PCDHGA2: variants seen among roughly 807,000 people sequenced by gnomAD.
PCDHGA2 encodes the protein protocadherin gamma-A2.
PCDHGA2 carries 40 observed loss-of-function variants against 59.2 expected under a neutral mutation model. The observed-to-expected ratio is 0.68, with a 90% CI of 0.52 to 0.88. The LOEUF is 0.88. PCDHGA2 is among the 40% of genes least tolerant of loss of function. The pLI, the probability that PCDHGA2 is intolerant of heterozygous loss-of-function variation, is 0.00. For missense variants in PCDHGA2, 1,226 were observed against 1,204.0 expected (o/e 1.02, Z -0.27); for synonymous variants, 560 against 526.0 (o/e 1.06, Z -0.89).
At chr5:141,424,784 C>T (rs1351935601) in intron 1 of PCDHGA2, 2 of 152,062 alleles carry the variant, frequency 1.3e-5, no homozygotes, top group Non-Finnish European at 2.9e-5. Context: ...ACATTCAGTT[C>T]TTTTATTCAG....
intron 1 of PCDHGA2, chr5:141,345,916 C>T (rs1180823265): frequency 2.5e-6 from 4 of 1,613,304 alleles, no homozygotes; most frequent in East Asian, 2.2e-5. Flanking sequence ...GAGGTGCGCA[C>T]GGCGCGAGCC....
rs367914755 is a variant in PCDHGA2 at position 141,399,963 on chromosome 5, C to T, written c.2424+58568C>T. ...TGCTGCAGGCTAGCGAGCCCGGGCT[C>T]TTCAGCCTGGGGCTGCGCACAGGAG... On this transcript the variant is annotated intron_variant, in intron 1 of 3. Transcript: ENST00000394576. 793 of 1,612,310 alleles carry T rather than the reference C, an allele frequency of 4.9e-4. 4 individuals are homozygous for T. Among genetic ancestry groups the T allele is most frequent in the Non-Finnish European group, 3.8e-4 (443 of 1,179,704 alleles).
intron 1 of PCDHGA2, chr5:141,400,093 C>G (rs1225718379): frequency 1.2e-6 from 2 of 1,614,094 alleles, no homozygotes; most frequent in Non-Finnish European, 1.7e-6. Context: ...CACCGCCACG[C>G]TGCACTTGGT....
chr5:141,384,134 G>A (rs746106528), intron 1 of PCDHGA2: 1 of 1,611,962 alleles, frequency 6.2e-7, no homozygotes, highest in Admixed American at 1.7e-5. Flanking sequence ...AACTTGGACC[G>A]GGAAACACTC....
chr5:141,399,780 A>G (rs1444494014), intron 1 of PCDHGA2: 1 of 1,613,288 alleles, frequency 6.2e-7, no homozygotes, highest in Non-Finnish European at 8.5e-7. Flanking sequence ...TGGGCGACCG[A>G]AACGACAACG....
chr5:141,376,088 C>T lies in PCDHGA2; in HGVS notation c.2424+34693C>T, dbSNP rs527893060. 5.1e-5 allele frequency: 83 copies of T among 1,613,666 alleles called. No homozygotes were observed. The highest frequency in any genetic ancestry group is 2.0e-4 in the East Asian group (9 of 44,878). On this transcript the variant is annotated intron_variant, in intron 1 of 3. Coordinates refer to ENST00000394576, the MANE Select transcript of PCDHGA2 (RefSeq NM_018915.4). Reference sequence around the variant, plus strand: ...CACCGTGGCCGTGGCCGACAGGATCCCCGACATCCTGGCCGACCTGGGCAG... The same window carrying T: ...CACCGTGGCCGTGGCCGACAGGATCTCCGACATCCTGGCCGACCTGGGCAG...
intron 2 of PCDHGA2, 57 bp downstream of exon 2, chr5:141,494,922 C>G: frequency 6.2e-7 from 1 of 1,613,670 alleles, no homozygotes; most frequent in Admixed American, 1.7e-5. Context: ...TCAGGGATGA[C>G]GTGGGAGGAG....
At chr5:141,351,915 A>G (rs761580776) in intron 1 of PCDHGA2, 18 of 1,613,262 alleles carry the variant, frequency 1.1e-5, no homozygotes, top group African/African-American at 1.3e-5. Flanking sequence ...GGCGACCTCA[A>G]TGACAATGCG....
At chr5:141,480,859 A>G (rs1197372110) in intron 1 of PCDHGA2, among the ~76,000 whole-genome samples, 2 of 152,178 alleles carry the variant, frequency 1.3e-5, no homozygotes, top group Non-Finnish European at 2.9e-5. Context: ...AGCCTGGCCA[A>G]TATGGTGAAA....
chr5:141,489,571 G>A lies in PCDHGA2; in HGVS notation c.2425-5236G>A, dbSNP rs1206848223. The A allele has an allele frequency of 1.9e-6, 3 of 1,613,884 alleles. No individual in the cohort carries two copies. The highest frequency in any genetic ancestry group is 2.2e-5 in the South Asian group (2 of 91,070). On this transcript the variant is annotated intron_variant, in intron 1 of 3. Transcript: ENST00000394576. The surrounding 1 kb of genome is among the most constrained non-coding windows in gnomAD (Gnocchi z 4.5). ...CCTGCTGCCAGTGCAGGTGGTGACT[G>A]AACACCCCCTGGAGCTAATCCGTGT...
rs1446853595 is a variant in PCDHGA2, at chr5:141,491,363, C to T, written c.2425-3444C>T. ...ACCGTCAGTCTCTTATCCCTAGTCA[C>T]CTTCACCTTTCTGTCAGCGAAGTGC... On this transcript the variant is annotated intron_variant, in intron 1 of 3. Coordinates refer to ENST00000394576, the MANE Select transcript of PCDHGA2 (RefSeq NM_018915.4). This position sits in a 1 kb window ranked among gnomAD's most constrained non-coding sequence, Gnocchi z 6.9. The T allele has an allele frequency of 6.2e-7, 1 of 1,614,182 alleles. No individual in the cohort carries two copies. Among genetic ancestry groups the T allele is most frequent in the South Asian group, 1.1e-5 (1 of 91,082 alleles).
In PCDHGA2 at chr5:141,493,164, T is replaced by C. The variant is rs558860783; in HGVS notation, c.2425-1643T>C. Among the ~76,000 whole-genome samples the C allele has an allele frequency of 4.6e-5, 7 of 152,340 alleles. 1 individual carries two copies. The South Asian group carries it at 1.2e-3, about 27-fold the overall frequency. On this transcript the variant is annotated intron_variant, in intron 1 of 3. Coordinates refer to ENST00000394576, the MANE Select transcript of PCDHGA2 (RefSeq NM_018915.4). The surrounding 1 kb of genome is among the most constrained non-coding windows in gnomAD (Gnocchi z 4.3). Reference sequence around the variant, plus strand: ...ACCCCCAGGTGATTTTGATAGCTGATTGAGAGAAACTTACTATATAACTCC... The same window carrying C: ...ACCCCCAGGTGATTTTGATAGCTGACTGAGAGAAACTTACTATATAACTCC...
rs139153105 is a variant in PCDHGA2 at position 141,432,400 on chromosome 5, G to T, written c.2425-62407G>T. 3.1e-6 allele frequency: 5 copies of T among 1,614,122 alleles called. No homozygotes were observed. In the African/African-American group the frequency reaches 4.0e-5, roughly 13 times the overall value. ...ACCCGCCCCTCAGCAGCAACGTGTC[G>T]TTGAGCCTGTTCGTGCTGGACCAGA... On this transcript the variant is annotated intron_variant, in intron 1 of 3. Transcript: ENST00000394576. The surrounding 1 kb of genome is among the most constrained non-coding windows in gnomAD (Gnocchi z 6.0).
intron 1 of PCDHGA2, chr5:141,413,709 C>T (rs998398149): frequency 2.4e-5 from 39 of 1,613,536 alleles, no homozygotes; most frequent in Non-Finnish European, 3.3e-5. Flanking sequence ...AGCTCAGCCC[C>T]AATAAGCACT....
chr5:141,350,124 G>A, intron 1 of PCDHGA2: 1 of 668,454 alleles, frequency 1.5e-6, no homozygotes, highest in Non-Finnish European at 2.3e-6. Context: ...CCGGTGCACT[G>A]AGCACAGACG....
intron 1 of PCDHGA2, chr5:141,345,475 GCAA>G (rs780479748): frequency 1.7e-5 from 27 of 1,614,000 alleles, no homozygotes; most frequent in Middle Eastern, 1.6e-4. Context: ...GACCCAGATA[GCAA>G]CAACAACGCC....
intron 1 of PCDHGA2, chr5:141,428,160 T>C (rs761366261): frequency 6.4e-7 from 1 of 1,572,286 alleles, no homozygotes; most frequent in Non-Finnish European, 8.7e-7. Context: ...AACCTGCTGG[T>C]TGCTGTGCGT....
At chr5:141,369,704 C>T (rs1256951546) in intron 1 of PCDHGA2, among the ~76,000 whole-genome samples, 1 of 152,224 alleles carries the variant, frequency 6.6e-6, no homozygotes, top group Non-Finnish European at 1.5e-5. Context: ...AAAGCTATGA[C>T]ATTATAACTT....
intron 1 of PCDHGA2, among the ~76,000 whole-genome samples, chr5:141,358,666 A>C (rs938947176): frequency 6.6e-6 from 1 of 152,134 alleles, no homozygotes; most frequent in Non-Finnish European, 1.5e-5. Context: ...AACTTTAATA[A>C]TTTTTAAATT....
Sources: allele counts gnomAD v4.1 joint callset (sites outside exome capture counted in the v4.1 genomes callset), GRCh38; gene constraint gnomAD v4.1.1; non-coding constraint Gnocchi (gnomAD v3.1); transcripts MANE v1.5; gene names NCBI Gene and HGNC (gene_info 2026-07-23, HGNC 2026-07-21).